The following SAMD12 variants were observed in gnomAD, a reference collection of about 807,000 sequenced individuals.
SAMD12 encodes the protein sterile alpha motif domain containing 12, also known as sterile alpha motif domain-containing protein 12.
SAMD12 carries 9 observed loss-of-function variants against 15.0 expected under a neutral mutation model. The observed-to-expected ratio is 0.60, with a 90% CI of 0.36 to 1.05. The LOEUF is 1.05. SAMD12 is among the 50% of genes least tolerant of loss of function. The pLI is 0.01. For missense variants in SAMD12, 230 were observed against 234.2 expected, an observed-to-expected ratio of 0.98 and a Z score of 0.12; for synonymous variants, 86 against 90.1, an observed-to-expected ratio of 0.96 and a Z score of 0.25.
chr8:118,415,302 T>C (rs926122234), intron 3 of SAMD12, among the ~76,000 whole-genome samples: 10 of 152,206 alleles, frequency 6.6e-5, no homozygotes, highest in African/African-American at 2.4e-4. Context: ...GATCTTTTCT[T>C]ATTCAACTGG....
intron 1 of SAMD12, among the ~76,000 whole-genome samples, chr8:118,581,115 T>C (rs945232868): frequency 5.9e-5 from 9 of 152,154 alleles, no homozygotes; most frequent in African/African-American, 2.2e-4. Context: ...CCAGAAGCCC[T>C]CAATTCCAAG....
intron 4 of SAMD12, among the ~76,000 whole-genome samples, chr8:118,205,646 G>C (rs973356846): frequency 2.6e-5 from 4 of 152,358 alleles, no homozygotes; most frequent in Admixed American, 2.6e-4. Context: ...CGAATACCTA[G>C]ATGGGATAGG....
At chr8:118,568,755 GACTTGGGGGGAATATC>G (rs1198625740) in intron 2 of SAMD12, among the ~76,000 whole-genome samples, 1 of 152,170 alleles carries the variant, frequency 6.6e-6, no homozygotes, top group African/African-American at 2.4e-5. Flanking sequence ...AAAGCTTATT[GACTTGGGGGGAATATC>G]ACCATTAACA....
intron 2 of SAMD12, among the ~76,000 whole-genome samples, chr8:118,460,493 G>C (rs889651625): frequency 1.3e-5 from 2 of 152,120 alleles, no homozygotes; most frequent in Non-Finnish European, 2.9e-5. Flanking sequence ...ATAGAGAAAA[G>C]TATCAGATGA....
At chr8:118,530,540 T>G (rs1329123969) in intron 2 of SAMD12, among the ~76,000 whole-genome samples, 1 of 152,084 alleles carries the variant, frequency 6.6e-6, no homozygotes, top group Non-Finnish European at 1.5e-5. Flanking sequence ...GTTATTTGGG[T>G]TTTTTTGTCT....
At chr8:118,158,977 C>T in the SAMD12 span, among the ~76,000 whole-genome samples, 1 of 152,114 alleles carries the variant, frequency 6.6e-6, no homozygotes, top group African/African-American at 2.4e-5. Context: ...ATATACCTCA[C>T]TCTTCCTGAA....
At chr8:118,260,688 T>A (rs943395278) in intron 4 of SAMD12, among the ~76,000 whole-genome samples, 1 of 151,956 alleles carries the variant, frequency 6.6e-6, no homozygotes, top group African/African-American at 2.4e-5. Context: ...AGGAGAAGAG[T>A]GACATTGGAG....
intron 4 of SAMD12, among the ~76,000 whole-genome samples, chr8:118,329,484 C>T (rs548911924): frequency 1.3e-5 from 2 of 152,272 alleles, no homozygotes; most frequent in South Asian, 2.1e-4. Context: ...TCCTGACCTT[C>T]AGAAGTGGAA....
intron 4 of SAMD12, among the ~76,000 whole-genome samples, chr8:118,348,806 T>G (rs936694053): frequency 1.3e-4 from 20 of 152,132 alleles, no homozygotes; most frequent in Non-Finnish European, 2.8e-4. Flanking sequence ...GATGAGCTGG[T>G]CAGACAAAGG....
chr8:118,436,796 A>G (rs1362946976), intron 3 of SAMD12, among the ~76,000 whole-genome samples: 5 of 152,214 alleles, frequency 3.3e-5, no homozygotes, highest in African/African-American at 1.2e-4. Flanking sequence ...TTTGTTATCA[A>G]AGATACCATC....
chr8:118,462,414 G>C (rs1823449867), intron 2 of SAMD12, among the ~76,000 whole-genome samples: 1 of 152,164 alleles, frequency 6.6e-6, no homozygotes, highest in Admixed American at 6.5e-5. Flanking sequence ...TTATATTTAA[G>C]GGACTGTGCA....
intron 4 of SAMD12, among the ~76,000 whole-genome samples, chr8:118,347,238 A>G (rs969855922): frequency 1.1e-4 from 17 of 152,298 alleles, no homozygotes; most frequent in Non-Finnish European, 2.2e-4. Flanking sequence ...CTCAGTGTCC[A>G]AGGTTTTTAG....
rs146709969 is a variant in SAMD12, at chr8:118,340,432, A to G, written c.433+39128T>C. Among the ~76,000 whole-genome samples the G allele has an allele frequency of 5.1e-3, 770 of 152,246 alleles. 8 individuals carry two copies. The highest frequency in any genetic ancestry group is 0.017 in the South Asian group (84 of 4,822). ...CTTACAACTTAATTTTGTCATGTAT[A>G]TACTCATACATATATGTATATATGT... On this transcript the variant is annotated intron_variant, in intron 4 of 4. Coordinates refer to the SAMD12 transcript ENST00000409003.
At chr8:118,584,260 C>T (rs1298148240) in intron 1 of SAMD12, among the ~76,000 whole-genome samples, 1 of 152,176 alleles carries the variant, frequency 6.6e-6, no homozygotes, top group African/African-American at 2.4e-5. Context: ...TTTTGATAGA[C>T]TTTGCTTTGT....
At chr8:118,349,032 C>G (rs1817815937) in intron 4 of SAMD12, among the ~76,000 whole-genome samples, 1 of 152,198 alleles carries the variant, frequency 6.6e-6, no homozygotes, top group Non-Finnish European at 1.5e-5. Flanking sequence ...AGACTCTAAA[C>G]AGCCTTCAAT....
the SAMD12 span, among the ~76,000 whole-genome samples, chr8:118,173,025 C>T: frequency 6.6e-6 from 1 of 152,176 alleles, no homozygotes; most frequent in Non-Finnish European, 1.5e-5. Context: ...GCTTATTTCA[C>T]TTACCATAAT....
intron 2 of SAMD12, among the ~76,000 whole-genome samples, chr8:118,523,305 A>C (rs1825443155): frequency 6.6e-6 from 1 of 152,170 alleles, no homozygotes; most frequent in African/African-American, 2.4e-5. Context: ...AAGTCTACTG[A>C]TAGGTCCAGA....
At chr8:118,614,335 G>C (rs944983436) in intron 1 of SAMD12, among the ~76,000 whole-genome samples, 2 of 152,152 alleles carry the variant, frequency 1.3e-5, no homozygotes, top group African/African-American at 4.8e-5. Context: ...TCATTTGATA[G>C]ACAGGCAAAG....
chr8:118,149,469 A>G, the SAMD12 span, among the ~76,000 whole-genome samples: 2 of 151,888 alleles, frequency 1.3e-5, no homozygotes, highest in African/African-American at 4.8e-5. Context: ...TGGGTTGTTT[A>G]TTTTCTTACA....
Sources: allele counts gnomAD v4.1 joint callset (sites outside exome capture counted in the v4.1 genomes callset), GRCh38; gene constraint gnomAD v4.1.1; transcripts MANE v1.5; gene names NCBI Gene and HGNC (gene_info 2026-07-23, HGNC 2026-07-21).